The following LIPA variants were observed in gnomAD, a reference collection of about 807,000 sequenced individuals.
The protein encoded by LIPA is lysosomal acid lipase/cholesteryl ester hydrolase.
In LIPA, 26 loss-of-function variants were observed where a neutral mutation model predicts 40.6. The ratio of observed to expected loss-of-function variants is 0.64; its 90% CI spans 0.47 to 0.89. The LOEUF is 0.89. LIPA is among the 40% of genes least tolerant of loss of function. The probability of loss-of-function intolerance (pLI) is 0.00; values close to 1 mark genes in which losing one functional copy is unlikely to be tolerated. For synonymous variants in LIPA, 188 were observed against 168.4 expected, an observed-to-expected ratio of 1.12 and a Z score of -0.90; for missense variants, 455 against 479.6, an observed-to-expected ratio of 0.95 and a Z score of 0.48.
chr10:89,343,970 T>C (rs10159694), upstream of LIPA, among the ~76,000 whole-genome samples: 10,502 of 152,248 alleles, frequency 0.069, 901 homozygotes, highest in African/African-American at 0.2. Flanking sequence ...TAAAAGTGCC[T>C]TGGCTTTGGG....
chr10:89,384,589 G>C, intron 2 of LIPA: 1 of 1,614,138 alleles, frequency 6.2e-7, no homozygotes, highest in Non-Finnish European at 8.5e-7. Context: ...AGAGAAATTG[G>C]CTAAAAGATG....
chr10:89,235,970 A>G (rs1842900120), intron 3 of LIPA, among the ~76,000 whole-genome samples: 2 of 152,180 alleles, frequency 1.3e-5, no homozygotes, highest in South Asian at 4.1e-4. Flanking sequence ...CCACTCATAC[A>G]TGGATTTTTT....
At chr10:89,312,866 C>G (rs989274947) in intron 1 of LIPA, among the ~76,000 whole-genome samples, 8 of 151,656 alleles carry the variant, frequency 5.3e-5, no homozygotes, top group African/African-American at 1.9e-4. Context: ...AGATCATATT[C>G]CAGAGAAAGC....
Position 89,297,946 on chromosome 10 carries a change from C to T in LIPA, c.-2+44665G>A, listed in dbSNP as rs115175180. 5.2e-3 allele frequency among the ~76,000 whole-genome samples: 785 copies of T among 152,344 alleles called. 5 individuals are homozygous for T. Among genetic ancestry groups the T allele is most frequent in the African/African-American group, 0.017 (714 of 41,564 alleles). On this transcript the variant is annotated intron_variant, in intron 1 of 5. Transcript: ENST00000282673. ...TAGGCTCACACCTAAAGAACAGCGT[C>T]TCTCCTCTCTCTGCACAGTGCTGCG...
intron 2 of LIPA, among the ~76,000 whole-genome samples, chr10:89,396,974 A>G (rs181186143): frequency 6.9e-4 from 105 of 152,308 alleles, no homozygotes; most frequent in African/African-American, 1.3e-3. Flanking sequence ...ATATTTCTCC[A>G]TACATGAGTA....
chr10:89,356,530 G>A (rs912865632), intron 2 of LIPA, among the ~76,000 whole-genome samples: 31 of 151,992 alleles, frequency 2.0e-4, no homozygotes, highest in African/African-American at 6.8e-4. Flanking sequence ...AAAAGAGCAC[G>A]AACCCTATTG....
intron 2 of LIPA, among the ~76,000 whole-genome samples, chr10:89,394,936 T>C (rs1421740731): frequency 6.6e-6 from 1 of 152,122 alleles, no homozygotes; most frequent in Non-Finnish European, 1.5e-5. Flanking sequence ...TGGAAACACA[T>C]ACTATGTGGT....
intron 2 of LIPA, among the ~76,000 whole-genome samples, chr10:89,349,075 A>G (rs905524847): frequency 6.6e-6 from 1 of 152,218 alleles, no homozygotes; most frequent in African/African-American, 2.4e-5. Context: ...AATGCAAGAC[A>G]GGATTTTCTC....
At chr10:89,336,398 A>G (rs1217239158) in intron 1 of LIPA, among the ~76,000 whole-genome samples, 2 of 152,190 alleles carry the variant, frequency 1.3e-5, no homozygotes, top group African/African-American at 4.8e-5. Context: ...CCTCACTCCC[A>G]TTGCCCTTGA....
At chr10:89,354,487 C>A (rs1051868171) in intron 2 of LIPA, among the ~76,000 whole-genome samples, 2 of 151,942 alleles carry the variant, frequency 1.3e-5, no homozygotes, top group Non-Finnish European at 2.9e-5. Context: ...TTGACAGACA[C>A]AAGACTAGTC....
chr10:89,373,382 G>A (rs1358117341), intron 2 of LIPA, among the ~76,000 whole-genome samples: 1 of 144,726 alleles, frequency 6.9e-6, no homozygotes, highest in Admixed American at 6.9e-5. Flanking sequence ...GAGTCAGCCA[G>A]AAAAGTAAAT....
In LIPA at chr10:89,383,248, A is replaced by G. The variant is rs536280774; in HGVS notation, c.61+29543T>C. 2.4e-5 allele frequency: 32 copies of G among 1,337,784 alleles called. 1 individual carries two copies. In the South Asian group the frequency reaches 4.3e-4, roughly 18 times the overall value. 82.9% of individuals were successfully genotyped at this position (1,337,784 alleles called of 1,614,324 possible). On this transcript the variant is annotated intron_variant, in intron 2 of 8. Transcript: ENST00000371837. ...AGGATAGAGCATATTTGACTATTTG[A>G]AGTGCTGGCTTCATTTTCAGTGGAC... is the stretch of plus-strand genomic sequence containing the variant.
chr10:89,266,234 C>T (rs1843235605), intron 1 of LIPA, among the ~76,000 whole-genome samples: 2 of 152,308 alleles, frequency 1.3e-5, no homozygotes, highest in South Asian at 2.1e-4. Flanking sequence ...TTTAGTTACA[C>T]TAAACACATT....
chr10:89,348,437 C>CA (rs566800772), intron 2 of LIPA, among the ~76,000 whole-genome samples: 1 of 151,990 alleles, frequency 6.6e-6, no homozygotes, highest in African/African-American at 2.4e-5. Context: ...GGACTTTCAC[C>CA]AAAAAAACAT....
chr10:89,275,099 A>T (rs1483720430), intron 1 of LIPA, among the ~76,000 whole-genome samples: 1 of 152,174 alleles, frequency 6.6e-6, no homozygotes, highest in Non-Finnish European at 1.5e-5. Flanking sequence ...TGTTTCCCAG[A>T]ATTTCCTCGT....
chr10:89,229,572 G>A (rs796605467), intron 3 of LIPA, among the ~76,000 whole-genome samples: 8 of 152,248 alleles, frequency 5.3e-5, no homozygotes, highest in African/African-American at 1.7e-4. Flanking sequence ...CCAACATGGC[G>A]AAACCCTGTC....
intron 2 of LIPA, among the ~76,000 whole-genome samples, chr10:89,381,817 G>T (rs1269016204): frequency 6.6e-6 from 1 of 151,616 alleles, no homozygotes; most frequent in African/African-American, 2.4e-5. Context: ...ACAGAGTCTG[G>T]CTCTGTTGCC....
At chr10:89,342,173 G>A (rs1385641322) in intron 1 of LIPA, among the ~76,000 whole-genome samples, 2 of 152,162 alleles carry the variant, frequency 1.3e-5, no homozygotes, top group Non-Finnish European at 2.9e-5. Flanking sequence ...CCCATGTCAA[G>A]TGTCCTCTGC....
At chr10:89,402,448 T>C in intron 2 of LIPA, 1 of 1,614,176 alleles carries the variant, frequency 6.2e-7, no homozygotes, top group Non-Finnish European at 8.5e-7. Context: ...CACAACCTAC[T>C]AGCCTATGTG....
Sources: allele counts gnomAD v4.1 joint callset (sites outside exome capture counted in the v4.1 genomes callset), GRCh38; gene constraint gnomAD v4.1.1; transcripts MANE v1.5; gene names NCBI Gene and HGNC (gene_info 2026-07-23, HGNC 2026-07-21).